Variants in RMND1 observed in about 807,000 individuals in gnomAD.
RMND1 encodes the protein required for meiotic nuclear division protein 1 homolog.
In RMND1, 41 loss-of-function variants were observed where a neutral mutation model predicts 54.0. The ratio of observed to expected loss-of-function variants is 0.76; its 90% CI spans 0.59 to 0.98. The LOEUF is 0.98. RMND1 is among the 50% of genes least tolerant of loss of function. RMND1 has a pLI of 0.00. For synonymous variants in RMND1, 183 were observed against 181.7 expected (o/e 1.01, Z -0.06); for missense variants, 457 against 532.0 (o/e 0.86, Z 1.39).
At chr6:151,436,112 CAA>C (rs67339992) in intron 3 of RMND1, 173 of 173,454 alleles carry the variant, frequency 1.0e-3, no homozygotes, top group South Asian at 2.0e-3. Flanking sequence ...TCCCAAAAAA[CAA>C]AAAAAAAAAA....
At chr6:151,422,881 G>A (rs566924539) in intron 7 of RMND1, among the ~76,000 whole-genome samples, 34 of 152,260 alleles carry the variant, frequency 2.2e-4, no homozygotes, top group Admixed American at 1.9e-3. Context: ...AAACTGAGGA[G>A]GGTAGGGTAC....
At chr6:151,414,899 G>C (rs1301710152) in intron 10 of RMND1, among the ~76,000 whole-genome samples, 1 of 152,120 alleles carries the variant, frequency 6.6e-6, no homozygotes, top group Non-Finnish European at 1.5e-5. Context: ...TTCAGGTGCT[G>C]AAAGAAAGAA....
At chr6:151,451,852 C>T (rs1781211759) in intron 1 of RMND1, among the ~76,000 whole-genome samples, 164 bp downstream of exon 1, 1 of 152,154 alleles carries the variant, frequency 6.6e-6, no homozygotes, top group Admixed American at 6.5e-5. Context: ...TAATTGAGTG[C>T]TTTTTACTCC....
In RMND1 at chr6:151,445,782, G is replaced by A. The variant is rs1344776027; in HGVS notation, c.30C>T (p.Ala10=). 1.2e-6 allele frequency: 2 copies of A among 1,611,826 alleles called. No homozygotes were observed. The highest frequency in any genetic ancestry group is 4.5e-5 in the East Asian group (2 of 44,846). The part of the protein sequence containing the change: MPATLLRAV[A]RSHHILSKAH... ...CTTTTGATAATATATGATGAGATCT[G>A]GCCACGGCTCTGAGGAGTGTGGCTG... The change falls in exon 2 of 12, where the codon GCC becomes GCT. Residue 10 remains alanine, a synonymous_variant. Coordinates refer to ENST00000444024, the MANE Select transcript of RMND1 (RefSeq NM_017909.4).
chr6:151,437,410 G>A (rs1455417612), intron 2 of RMND1, among the ~76,000 whole-genome samples: 2 of 152,184 alleles, frequency 1.3e-5, no homozygotes, highest in Non-Finnish European at 2.9e-5. Context: ...TATAAGATGT[G>A]GTCAATAAAG....
rs924940390 is a variant in RMND1, at chr6:151,421,168, T to C, written c.1079+77A>G. The C allele has an allele frequency of 3.0e-5, 32 of 1,059,200 alleles. No individual in the cohort carries two copies. The African/African-American group carries it at 4.7e-4, about 15-fold the overall frequency. The allele number at this position is 1,059,200 out of a possible 1,614,324, so 65.6% of individuals were successfully genotyped here. A position where few individuals can be genotyped will look rare whatever the true frequency, so the allele number is the denominator to read the frequency against. ...CCATAAACGTGTAAATGTTTGCTCTTCACCACAGAACTATGGGAATGTTTT... is the reference window on the plus strand; with the variant it reads ...CCATAAACGTGTAAATGTTTGCTCTCCACCACAGAACTATGGGAATGTTTT... On this transcript the variant is annotated intron_variant, in intron 9 of 11. Transcript: ENST00000444024.
chr6:151,424,655 T>C (rs1157772075), intron 6 of RMND1, among the ~76,000 whole-genome samples: 1 of 152,170 alleles, frequency 6.6e-6, no homozygotes. Context: ...TAAAACTATA[T>C]ATGGAGTGTA....
At chr6:151,439,087 C>A (rs1161785783) in intron 2 of RMND1, among the ~76,000 whole-genome samples, 1 of 152,128 alleles carries the variant, frequency 6.6e-6, no homozygotes, top group Non-Finnish European at 1.5e-5. Context: ...GCACTCTGGG[C>A]GACACAGCAA....
At chr6:151,410,202 C>T (rs1042565540) in intron 10 of RMND1, among the ~76,000 whole-genome samples, 2 of 151,954 alleles carry the variant, frequency 1.3e-5, no homozygotes, top group Non-Finnish European at 2.9e-5. Context: ...CTACAGACGC[C>T]CGCCACCACG....
intron 10 of RMND1, among the ~76,000 whole-genome samples, chr6:151,412,151 A>C (rs1258161945): frequency 1.3e-5 from 2 of 151,992 alleles, no homozygotes; most frequent in African/African-American, 4.8e-5. Flanking sequence ...ACAGGCGTCC[A>C]CCACCATGCC....
chr6:151,436,681 A>T, intron 2 of RMND1, 127 bp from the exon 3 acceptor site: 1 of 787,016 alleles, frequency 1.3e-6, no homozygotes, highest in Non-Finnish European at 1.9e-6. Flanking sequence ...AACATCTCCA[A>T]GGGTGATACA....
At chr6:151,417,491 AC>A (rs1721505352) in intron 9 of RMND1, 92 bp from the exon 10 acceptor site, 10 of 1,115,484 alleles carry the variant, frequency 9.0e-6, no homozygotes, top group Non-Finnish European at 1.2e-5. Context: ...CTTTATGAAA[AC>A]TTTTTTTTTT....
chr6:151,448,537 G>A (rs1781028472), intron 1 of RMND1, among the ~76,000 whole-genome samples: 1 of 152,188 alleles, frequency 6.6e-6, no homozygotes, highest in African/African-American at 2.4e-5. Context: ...GGTCCAGCTT[G>A]ACTCTTTATT....
chr6:151,428,691 C>T (rs1484446259), intron 5 of RMND1, among the ~76,000 whole-genome samples: 2 of 152,152 alleles, frequency 1.3e-5, no homozygotes, highest in African/African-American at 4.8e-5. Context: ...ACTACCACAC[C>T]TGGCTAACTT....
At chr6:151,424,767 G>A (rs1321395976) in intron 6 of RMND1, among the ~76,000 whole-genome samples, 1 of 152,066 alleles carries the variant, frequency 6.6e-6, no homozygotes, top group Non-Finnish European at 1.5e-5. Context: ...GACAGGGGAA[G>A]AGCGGAATGT....
At chr6:151,405,890 C>T in intron 10 of RMND1, 54 bp from the exon 11 acceptor site, 6 of 927,100 alleles carry the variant, frequency 6.5e-6, no homozygotes, top group Non-Finnish European at 1.0e-5. Flanking sequence ...TACGGTCATA[C>T]ACATAAAAAT....
rs557967769 is a variant in RMND1 at position 151,429,209 on chromosome 6, C to T, written c.729+929G>A. On this transcript the variant is annotated intron_variant, in intron 5 of 11. Coordinates refer to ENST00000444024, the MANE Select transcript of RMND1 (RefSeq NM_017909.4). Reference sequence around the variant, plus strand: ...TGACCTTGGCTCACTGCAACCTCTGCCTCCAAGGTTTAAGCGATTCTTGTG... The same window carrying T: ...TGACCTTGGCTCACTGCAACCTCTGTCTCCAAGGTTTAAGCGATTCTTGTG... Among the ~76,000 whole-genome samples, 3 of 151,918 alleles carry T rather than the reference C, an allele frequency of 2.0e-5. No homozygotes were observed. In the South Asian group the frequency reaches 6.2e-4, roughly 32 times the overall value.
At chr6:151,406,058 G>C (rs1000371778) in intron 10 of RMND1, among the ~76,000 whole-genome samples, 2 of 152,192 alleles carry the variant, frequency 1.3e-5, no homozygotes, top group African/African-American at 4.8e-5. Flanking sequence ...CTATTTGTAA[G>C]ATTTTGATGG....
chr6:151,416,406 C>T (rs1780007415), intron 10 of RMND1, among the ~76,000 whole-genome samples: 1 of 149,864 alleles, frequency 6.7e-6, no homozygotes, highest in Admixed American at 6.7e-5. Context: ...TGTGGTCTAC[C>T]TCCATCACTA....
Sources: gnomAD v4.1 joint callset for allele counts (sites outside exome capture counted in the v4.1 genomes callset) on GRCh38, gnomAD v4.1.1 for gene constraint, MANE v1.5 for transcripts, NCBI Gene and HGNC (gene_info 2026-07-23, HGNC 2026-07-21) for gene names.